MCCC1: variants seen among roughly 807,000 people sequenced by gnomAD.
MCCC1 encodes methylcrotonoyl-CoA carboxylase subunit alpha, mitochondrial.
MCCC1 carries 64 observed loss-of-function variants against 83.8 expected under a neutral mutation model. The ratio of observed to expected loss-of-function variants is 0.76; its 90% CI spans 0.62 to 0.94. The LOEUF (loss-of-function observed/expected upper bound fraction) is 0.94, where lower values mean the gene tolerates loss of function less well. Among genes scored for constraint, MCCC1 ranks in the 40% least tolerant of loss-of-function variants. The pLI, the probability that MCCC1 is intolerant of heterozygous loss-of-function variation, is 0.00. For synonymous variants in MCCC1, 322 were observed against 315.4 expected, an observed-to-expected ratio of 1.02 and a Z score of -0.22; for missense variants, 807 against 904.7, an observed-to-expected ratio of 0.89 and a Z score of 1.39.
At position 183,105,108 on chromosome 3, in the gene MCCC1, T is replaced by G. The variant is rs550840203; in HGVS notation, c.-102+10366A>C. Among the ~76,000 whole-genome samples, 25 of 151,730 alleles carry G rather than the reference T, an allele frequency of 1.6e-4. No homozygotes were observed. The South Asian group carries it at 5.0e-3, about 30-fold the overall frequency. ...GCCTGTAATCCCAGCACTTTGGGAG[T>G]CCGAGGCAGGCGACTCACCTGATGT... On this transcript the variant is annotated intron_variant, in intron 1 of 17. Coordinates refer to the MCCC1 transcript ENST00000492597.
intron 1 of MCCC1, among the ~76,000 whole-genome samples, chr3:183,110,026 A>G (rs1169777845): frequency 6.6e-6 from 1 of 152,028 alleles, no homozygotes; most frequent in Non-Finnish European, 1.5e-5. Context: ...TTTTTTTCAT[A>G]TATTTGTTGG....
chr3:183,084,411 C>T (rs1257036073), intron 4 of MCCC1, among the ~76,000 whole-genome samples: 1 of 152,126 alleles, frequency 6.6e-6, no homozygotes, highest in Non-Finnish European at 1.5e-5. Context: ...GGCCTGAACT[C>T]CTAAGGACAT....
intron 4 of MCCC1, among the ~76,000 whole-genome samples, chr3:183,077,298 G>A (rs547896670): frequency 6.6e-6 from 1 of 152,086 alleles, no homozygotes; most frequent in African/African-American, 2.4e-5. Flanking sequence ...TATGTTTAAC[G>A]TTTTGAGAAA....
At chr3:183,044,157 GA>G (rs1413276995) in intron 10 of MCCC1, among the ~76,000 whole-genome samples, 2 of 151,880 alleles carry the variant, frequency 1.3e-5, no homozygotes, top group African/African-American at 2.4e-5. Context: ...GTCACACCAG[GA>G]AAAAACAATT....
At chr3:183,079,188 C>A (rs1043880647) in intron 4 of MCCC1, among the ~76,000 whole-genome samples, 8 of 152,234 alleles carry the variant, frequency 5.3e-5, no homozygotes, top group Non-Finnish European at 1.0e-4. Flanking sequence ...GCCTTCCCAA[C>A]AGTCCCTCAA....
intron 7 of MCCC1, among the ~76,000 whole-genome samples, chr3:183,058,720 A>C (rs966518048): frequency 7.2e-5 from 11 of 152,220 alleles, no homozygotes; most frequent in African/African-American, 2.7e-4. Flanking sequence ...GTGAATGCAC[A>C]TAACTTTTGT....
At chr3:183,048,447 C>T (rs1714716385) in intron 9 of MCCC1, among the ~76,000 whole-genome samples, 1 of 152,056 alleles carries the variant, frequency 6.6e-6, no homozygotes, top group Admixed American at 6.6e-5. Context: ...TATGCTAACA[C>T]CAAAGAAAGT....
chr3:183,017,696 A>C, intron 17 of MCCC1: 1 of 284,592 alleles, frequency 3.5e-6, no homozygotes, highest in Non-Finnish European at 6.7e-6. Context: ...GCACTGGTCA[A>C]ATCAGAGGCT....
chr3:183,097,365 A>G (rs1456419464), intron 1 of MCCC1, among the ~76,000 whole-genome samples: 1 of 152,234 alleles, frequency 6.6e-6, no homozygotes, highest in Non-Finnish European at 1.5e-5. Context: ...TTCATAACAT[A>G]AAAATAATGT....
upstream of MCCC1, chr3:183,099,733 A>G: frequency 1.9e-6 from 1 of 518,558 alleles, no homozygotes; most frequent in South Asian, 2.6e-5. Context: ...GGTTTTCTCC[A>G]TCCTCCCCCT....
intron 12 of MCCC1, among the ~76,000 whole-genome samples, chr3:183,038,722 T>TA (rs1484740996): frequency 6.6e-6 from 1 of 152,130 alleles, no homozygotes; most frequent in Non-Finnish European, 1.5e-5. Flanking sequence ...TTAGGAAAAA[T>TA]AAAAAACCTA....
In MCCC1 at chr3:183,094,590, C is replaced by T; in HGVS notation, c.105G>A (p.Arg35=). Residue 35 remains arginine (R), a synonymous_variant, in exon 2 of 19, where the codon AGG becomes AGA. Coordinates refer to ENST00000265594, the MANE Select transcript of MCCC1 (RefSeq NM_020166.5). The stretch of plus-strand genomic sequence containing the variant: ...CTGTTGTGTACTTCATGGTTCTTTG[C>T]CTCCACACCCATGTCCTATAACATA... The part of the protein sequence containing the change: ...LLLPPRTWVW[R]QRTMKYTTAT... 1.2e-6 allele frequency: 2 copies of T among 1,613,998 alleles called. No homozygotes were observed. The highest frequency in any genetic ancestry group is 1.7e-5 in the Admixed American group (1 of 60,016).
Position 183,099,372 on chromosome 3 carries a change from C to T in MCCC1, c.69G>A (p.Pro23=), listed in dbSNP as rs567116244. Residue 23 remains proline (P), a synonymous_variant, in exon 1 of 19, where the codon CCG becomes CCA. Coordinates refer to ENST00000265594, the MANE Select transcript of MCCC1 (RefSeq NM_020166.5). ...AAERNRWHRL[P]SLLLPPRTWV... ...CCCACCTCGGCGGCAGGAGCAGGCT[C>T]GGGAGACGATGCCACCGGTTCCTCT... 1 of 1,601,954 alleles carries T rather than the reference C, an allele frequency of 6.2e-7. No individual in the cohort carries two copies. The highest frequency in any genetic ancestry group is 8.5e-7 in the Non-Finnish European group (1 of 1,176,322).
intron 4 of MCCC1, among the ~76,000 whole-genome samples, chr3:183,077,222 G>A (rs946134950): frequency 9.2e-5 from 14 of 152,050 alleles, no homozygotes; most frequent in South Asian, 2.1e-4. Context: ...ATTTCTGTGC[G>A]GATGTGTTTT....
chr3:183,063,844 A>G (rs896396723), intron 7 of MCCC1, among the ~76,000 whole-genome samples: 1 of 152,154 alleles, frequency 6.6e-6, no homozygotes, highest in African/African-American at 2.4e-5. Flanking sequence ...AGACCCTCCA[A>G]CCCAAAGACT....
chr3:183,094,808 A>G (rs1034615906), intron 1 of MCCC1, among the ~76,000 whole-genome samples: 1 of 152,176 alleles, frequency 6.6e-6, no homozygotes, highest in Non-Finnish European at 1.5e-5. Context: ...CTGTCCTTGA[A>G]TGAGTCACCT....
At chr3:183,039,210 T>C in intron 11 of MCCC1, 75 bp from the exon 12 acceptor site, 1 of 1,350,334 alleles carries the variant, frequency 7.4e-7, no homozygotes, top group East Asian at 2.3e-5. Flanking sequence ...AGACATTTTG[T>C]TATGTACATT....
chr3:183,074,553 A>T (rs372394286), intron 4 of MCCC1, among the ~76,000 whole-genome samples: 1 of 152,302 alleles, frequency 6.6e-6, no homozygotes, highest in East Asian at 1.9e-4. Context: ...CTCAAAGAAC[A>T]TTTCAAAATT....
intron 7 of MCCC1, among the ~76,000 whole-genome samples, chr3:183,060,037 A>G (rs1254774748): frequency 6.6e-6 from 1 of 152,030 alleles, no homozygotes; most frequent in Non-Finnish European, 1.5e-5. Flanking sequence ...ACTTCGGAAA[A>G]TTCTTGGCCA....
Sources: gnomAD v4.1 joint callset for allele counts (sites outside exome capture counted in the v4.1 genomes callset) on GRCh38, gnomAD v4.1.1 for gene constraint, MANE v1.5 for transcripts, NCBI Gene and HGNC (gene_info 2026-07-23, HGNC 2026-07-21) for gene names.